Variants in FAM83B observed in about 807,000 individuals in gnomAD.
FAM83B encodes the protein scaffolding CK1 anchoring protein B.
FAM83B carries 26 observed loss-of-function variants against 38.8 expected under a neutral mutation model. The observed-to-expected ratio is 0.67, with a 90% confidence interval of 0.49 to 0.93. The LOEUF is 0.93. Ranked by LOEUF, FAM83B falls within the 40% of genes least tolerant of loss-of-function variation. The probability of loss-of-function intolerance (pLI) is 0.00; values close to 1 mark genes in which losing one functional copy is unlikely to be tolerated. For missense variants in FAM83B, 1,237 were observed against 1,197.3 expected (o/e 1.03, Z -0.49); for synonymous variants, 419 against 423.1 (o/e 0.99, Z 0.12).
chr6:54,920,132 A>G (rs1581922077), intron 2 of FAM83B, among the ~76,000 whole-genome samples: 2 of 151,954 alleles, frequency 1.3e-5, no homozygotes, highest in East Asian at 3.9e-4. Context: ...AGGCTATAGA[A>G]GGATTTGGGC....
chr6:54,872,485 A>G (rs1373207124), intron 2 of FAM83B, among the ~76,000 whole-genome samples: 2 of 152,202 alleles, frequency 1.3e-5, no homozygotes, highest in Admixed American at 6.5e-5. Context: ...CCATTTTTGA[A>G]AATACATCAG....
intron 2 of FAM83B, among the ~76,000 whole-genome samples, chr6:54,898,855 C>A (rs892909796): frequency 2.0e-5 from 3 of 152,098 alleles, no homozygotes; most frequent in Admixed American, 2.0e-4. Context: ...GTTTCAGGAA[C>A]TTTTTAACTT....
intron 2 of FAM83B, among the ~76,000 whole-genome samples, chr6:54,926,168 A>G (rs1438027451): frequency 6.6e-6 from 1 of 152,214 alleles, no homozygotes; most frequent in East Asian, 1.9e-4. Context: ...AAAATGACTT[A>G]GTGTACAAAT....
In FAM83B at chr6:54,940,110, T is replaced by A. The variant is rs746692492; in HGVS notation, c.1139T>A (p.Ile380Lys). 1.8e-5 allele frequency: 29 copies of A among 1,613,932 alleles called. No individual in the cohort carries two copies. In the South Asian group the frequency reaches 3.1e-4, roughly 17 times the overall value. ...NAIRQFQPNQ[I>K]NENWKRHSYA... is the part of the protein sequence containing the mutation. ...ATACGTCAGTTTCAACCCAATCAGA[T>A]AAATGAAAATTGGAAAAGGCATAGT... The change falls in exon 5 of 5, where the codon ATA becomes AAA. Residue 380 changes from isoleucine to lysine, a missense_variant. Transcript: ENST00000306858.
intron 2 of FAM83B, among the ~76,000 whole-genome samples, chr6:54,873,196 T>G (rs1771903454): frequency 6.6e-6 from 1 of 151,972 alleles, no homozygotes; most frequent in African/African-American, 2.4e-5. Flanking sequence ...CTGTGCTAGT[T>G]TCTACCCAGA....
intron 1 of FAM83B, among the ~76,000 whole-genome samples, chr6:54,869,209 A>G (rs1337232448): frequency 1.3e-5 from 2 of 152,112 alleles, no homozygotes; most frequent in Non-Finnish European, 2.9e-5. Flanking sequence ...CATCTCGTAT[A>G]CTCTGTCCAG....
intron 2 of FAM83B, among the ~76,000 whole-genome samples, chr6:54,892,384 TA>T (rs2127580585): frequency 6.6e-6 from 1 of 152,138 alleles, no homozygotes; most frequent in Admixed American, 6.6e-5. Context: ...GTATTAAGCC[TA>T]GTACTCAGTT....
chr6:54,846,673 C>A (rs10948862), upstream of FAM83B: 65,830 of 152,008 alleles, frequency 0.43, 14,799 homozygotes, highest in African/African-American at 0.5. Flanking sequence ...AGGCGCGGTT[C>A]GAGCCGGAAT....
Position 54,940,063 on chromosome 6 carries a change from T to C in FAM83B, c.1092T>C (p.Pro364=). The C allele has an allele frequency of 6.2e-7, 1 of 1,614,024 alleles. No homozygotes were observed. Among genetic ancestry groups the C allele is most frequent in the Non-Finnish European group, 8.5e-7 (1 of 1,179,978 alleles). The change falls in exon 5 of 5, where the codon CCT becomes CCC. Residue 364 remains proline, a synonymous_variant. Transcript: ENST00000306858. ...RSHGYKPHFV[P]NFNGPNAIRQ... is the part of the protein sequence containing the mutation. ...ACGGATACAAACCTCATTTTGTTCC[T>C]AACTTTAATGGTCCAAACGCAATAC... is the stretch of plus-strand genomic sequence containing the variant.
In FAM83B at chr6:54,939,931, A is replaced by G. The variant is rs144306194; in HGVS notation, c.960A>G (p.Arg320=). The change falls in exon 5 of 5, where the codon AGA becomes AGG. Residue 320 remains arginine, a synonymous_variant. Transcript: ENST00000306858. ...CATTAGCATCTGTTTCCAGCCAGAG[A>G]AACCTTTTTGGTAGACAAGACAAGA... ...VSSLASVSSQ[R]NLFGRQDKIH... 6.2e-7 allele frequency: 1 copy of G among 1,614,100 alleles called. No individual in the cohort carries two copies. Among genetic ancestry groups the G allele is most frequent in the South Asian group, 1.1e-5 (1 of 91,082 alleles).
At chr6:54,858,662 A>G (rs1055480255) in intron 1 of FAM83B, among the ~76,000 whole-genome samples, 17 of 152,338 alleles carry the variant, frequency 1.1e-4, no homozygotes, top group African/African-American at 3.8e-4. Context: ...GCTAATTTGT[A>G]TCACTATTTG....
chr6:54,933,925 TTC>T (rs961120423), intron 4 of FAM83B, among the ~76,000 whole-genome samples: 6 of 152,102 alleles, frequency 3.9e-5, no homozygotes, highest in Non-Finnish European at 5.9e-5. Flanking sequence ...GGGGAAAAGT[TTC>T]TCTCTGTTTG....
chr6:54,879,266 G>A (rs1772069633), intron 2 of FAM83B, among the ~76,000 whole-genome samples: 1 of 152,216 alleles, frequency 6.6e-6, no homozygotes. Context: ...CTAGTTGTAA[G>A]TAACTTGGAT....
At chr6:54,923,312 G>A (rs896376435) in intron 2 of FAM83B, among the ~76,000 whole-genome samples, 1 of 151,882 alleles carries the variant, frequency 6.6e-6, no homozygotes, top group African/African-American at 2.4e-5. Flanking sequence ...TCACATTCAT[G>A]ACATCTTCTC....
chr6:54,941,124 A>G lies in FAM83B; in HGVS notation c.2153A>G (p.Glu718Gly). The change falls in exon 5 of 5, where the codon GAG becomes GGG. Residue 718 changes from glutamate to glycine, a missense_variant. Glu to Gly is a moderately conservative substitution (Grantham distance 98). Transcript: ENST00000306858. Reference sequence around the variant, plus strand: ...ATGCACAATGTGACTCATAACTTGGAGGAGGATGAGGAGGAAGTTACCAAG... The same window carrying G: ...ATGCACAATGTGACTCATAACTTGGGGGAGGATGAGGAGGAAGTTACCAAG... The part of the protein sequence containing the change: ...KSMHNVTHNL[E>G]EDEEEVTKRN... The G allele has an allele frequency of 6.2e-7, 1 of 1,613,860 alleles. No individual in the cohort carries two copies. Among genetic ancestry groups the G allele is most frequent in the South Asian group, 1.1e-5 (1 of 91,008 alleles).
chr6:54,927,962 G>C (rs1389112961), intron 4 of FAM83B, among the ~76,000 whole-genome samples: 1 of 152,136 alleles, frequency 6.6e-6, no homozygotes, highest in African/African-American at 2.4e-5. Flanking sequence ...ACATAGTATG[G>C]ATTTAGTTAC....
intron 4 of FAM83B, among the ~76,000 whole-genome samples, chr6:54,936,420 A>G (rs965829627): frequency 1.1e-4 from 16 of 151,840 alleles, no homozygotes; most frequent in African/African-American, 3.1e-4. Context: ...TCCTATTTCT[A>G]CTTTGGTTGG....
At chr6:54,852,098 TTCTG>T (rs1172503651) in intron 1 of FAM83B, among the ~76,000 whole-genome samples, 5 of 152,198 alleles carry the variant, frequency 3.3e-5, no homozygotes, top group African/African-American at 1.2e-4. Flanking sequence ...AGTTCTTTAT[TTCTG>T]TCTGTCATCT....
At position 54,940,371 on chromosome 6, in the gene FAM83B, T is replaced by C. The variant is rs367671422; in HGVS notation, c.1400T>C (p.Phe467Ser). 1.4e-5 allele frequency: 22 copies of C among 1,613,990 alleles called. No homozygotes were observed. Among genetic ancestry groups the C allele is most frequent in the Non-Finnish European group, 1.9e-5 (22 of 1,180,002 alleles). The change falls in exon 5 of 5, where the codon TTT becomes TCT. Residue 467 changes from phenylalanine to serine, a missense_variant. Transcript: ENST00000306858. ...AGGAATTCAAATGTTCGGAGGTCTTTTAATGGGACAGATAACCATATCCGC... is the reference window on the plus strand; with the variant it reads ...AGGAATTCAAATGTTCGGAGGTCTTCTAATGGGACAGATAACCATATCCGC... ...ADRNSNVRRS[F>S]NGTDNHIRFL...
Sources: allele counts gnomAD v4.1 joint callset (sites outside exome capture counted in the v4.1 genomes callset), GRCh38; gene constraint gnomAD v4.1.1; transcripts MANE v1.5; gene names NCBI Gene and HGNC (gene_info 2026-07-23, HGNC 2026-07-21).